SDK1: variants seen among roughly 807,000 people sequenced by gnomAD.
SDK1 encodes sidekick cell adhesion molecule 1, also known as protein sidekick-1.
SDK1 carries 157 observed loss-of-function variants against 245.5 expected under a neutral mutation model. The observed-to-expected ratio is 0.64, with a 90% confidence interval of 0.56 to 0.73. SDK1 has a LOEUF of 0.73. SDK1 is among the 30% of genes least tolerant of loss of function. SDK1 has a pLI of 0.00. For synonymous variants in SDK1, 1,647 were observed against 1,278.5 expected (o/e 1.29, Z -6.15); for missense variants, 3,583 against 3,002.3 (o/e 1.19, Z -4.52).
chr7:3,684,992 G>A (rs991571073), intron 4 of SDK1, among the ~76,000 whole-genome samples: 1 of 152,138 alleles, frequency 6.6e-6, no homozygotes, highest in Non-Finnish European at 1.5e-5. Flanking sequence ...AAAGGGACCT[G>A]TGGGACAAGA....
At chr7:3,381,097 G>A (rs1781476168) in intron 1 of SDK1, among the ~76,000 whole-genome samples, 1 of 152,168 alleles carries the variant, frequency 6.6e-6, no homozygotes, top group Non-Finnish European at 1.5e-5. Context: ...TCAAGAGTGT[G>A]ATTAACATTA....
At chr7:3,879,835 A>G (rs1380722128) in intron 5 of SDK1, among the ~76,000 whole-genome samples, 6 of 152,192 alleles carry the variant, frequency 3.9e-5, no homozygotes, top group Non-Finnish European at 8.8e-5. Flanking sequence ...TACAGCATGC[A>G]TAATTAACCT....
chr7:3,799,006 T>G (rs1280740680), intron 4 of SDK1, among the ~76,000 whole-genome samples: 1 of 152,206 alleles, frequency 6.6e-6, no homozygotes, highest in South Asian at 2.1e-4. Context: ...TTTATTAATT[T>G]GAATTCTCCT....
chr7:3,900,115 C>G (rs1242872511), intron 5 of SDK1, among the ~76,000 whole-genome samples: 1 of 152,240 alleles, frequency 6.6e-6, no homozygotes, highest in African/African-American at 2.4e-5. Context: ...TCCCAGTTTC[C>G]TCTTTGCTGA....
At chr7:3,415,642 T>A (rs1043046805) in intron 1 of SDK1, among the ~76,000 whole-genome samples, 2 of 151,668 alleles carry the variant, frequency 1.3e-5, no homozygotes, top group Non-Finnish European at 2.9e-5. Flanking sequence ...ATGATAGTAG[T>A]TGCTTTGTAT....
intron 7 of SDK1, among the ~76,000 whole-genome samples, chr7:3,954,063 C>G (rs890273794): frequency 6.6e-6 from 1 of 152,024 alleles, no homozygotes; most frequent in Non-Finnish European, 1.5e-5. Flanking sequence ...AAATGGGCTC[C>G]TATTACTTGT....
At chr7:3,949,980 A>G (rs991219211) in intron 5 of SDK1, among the ~76,000 whole-genome samples, 2 of 152,236 alleles carry the variant, frequency 1.3e-5, no homozygotes, top group African/African-American at 4.8e-5. Flanking sequence ...AGTGGCTGAT[A>G]CATGAAATAT....
Position 3,620,072 on chromosome 7 carries a change from T to C in SDK1, c.458+833T>C, listed in dbSNP as rs186340228. Among the ~76,000 whole-genome samples the C allele has an allele frequency of 4.1e-3, 621 of 152,262 alleles. 7 individuals carry two copies. The highest frequency in any genetic ancestry group is 0.014 in the African/African-American group (601 of 41,566). On this transcript the variant is annotated intron_variant, in intron 2 of 44. Coordinates refer to ENST00000404826, the MANE Select transcript of SDK1 (RefSeq NM_152744.4). ...TCAGCAAAATCATCGCTGCCATGCTTTTCTTTAGATGAAATAAGAAAGAGT... is the reference window on the plus strand; with the variant it reads ...TCAGCAAAATCATCGCTGCCATGCTCTTCTTTAGATGAAATAAGAAAGAGT...
At chr7:3,907,343 T>G (rs1778986426) in intron 5 of SDK1, among the ~76,000 whole-genome samples, 2 of 152,348 alleles carry the variant, frequency 1.3e-5, no homozygotes, top group African/African-American at 4.8e-5. Flanking sequence ...CTCTGTGAAT[T>G]TGCATATTCG....
At chr7:4,066,422 T>A (rs1779903194) in intron 19 of SDK1, among the ~76,000 whole-genome samples, 1 of 152,208 alleles carries the variant, frequency 6.6e-6, no homozygotes, top group South Asian at 2.1e-4. Flanking sequence ...GCACTGTCTC[T>A]CTTCCCCTCA....
At chr7:3,494,740 G>T (rs532605795) in intron 1 of SDK1, among the ~76,000 whole-genome samples, 2 of 152,300 alleles carry the variant, frequency 1.3e-5, no homozygotes, top group East Asian at 3.9e-4. Flanking sequence ...TTGTGTTTGA[G>T]AGCAAATGTT....
chr7:3,505,263 C>CT (rs1562527568), intron 1 of SDK1, among the ~76,000 whole-genome samples: 1 of 151,994 alleles, frequency 6.6e-6, no homozygotes, highest in Non-Finnish European at 1.5e-5. Context: ...GTTCAACTGA[C>CT]TGAGACTGGG....
intron 2 of SDK1, among the ~76,000 whole-genome samples, chr7:3,637,355 C>G (rs944932409): frequency 1.3e-5 from 2 of 152,178 alleles, no homozygotes; most frequent in Non-Finnish European, 2.9e-5. Context: ...CCTCGGCCTC[C>G]CAAATTGCTG....
At chr7:3,461,294 G>A (rs911545732) in intron 1 of SDK1, among the ~76,000 whole-genome samples, 2 of 152,148 alleles carry the variant, frequency 1.3e-5, no homozygotes, top group Non-Finnish European at 2.9e-5. Context: ...ACAATTCTGT[G>A]AGCGACATGG....
chr7:3,688,253 A>G (rs1264255636), intron 4 of SDK1, among the ~76,000 whole-genome samples: 2 of 152,210 alleles, frequency 1.3e-5, no homozygotes, highest in East Asian at 1.9e-4. Context: ...CTGGAGAGCA[A>G]TGAAGTGTAG....
intron 4 of SDK1, among the ~76,000 whole-genome samples, chr7:3,687,266 C>T (rs1484270875): frequency 6.6e-6 from 1 of 151,220 alleles, no homozygotes; most frequent in Non-Finnish European, 1.5e-5. Flanking sequence ...GGAGCTGGGA[C>T]TACAGGCACA....
chr7:4,225,600 G>T (rs529063607), intron 40 of SDK1, among the ~76,000 whole-genome samples: 2 of 152,220 alleles, frequency 1.3e-5, no homozygotes, highest in Non-Finnish European at 2.9e-5. Context: ...GGAACAGGAC[G>T]CCTGTTGGTT....
intron 4 of SDK1, chr7:3,643,516 C>G (rs1450897408): frequency 1.3e-5 from 2 of 149,380 alleles, no homozygotes; most frequent in Admixed American, 6.7e-5. Flanking sequence ...GAATTCCTTC[C>G]GTAAACCTCG....
At chr7:3,951,116 C>A in intron 6 of SDK1, 82 bp downstream of exon 6, 9 of 1,046,598 alleles carry the variant, frequency 8.6e-6, no homozygotes, top group Non-Finnish European at 1.3e-5. Flanking sequence ...TACACTGGAG[C>A]ATGAGGTTCA....
Sources: allele counts gnomAD v4.1 joint callset (sites outside exome capture counted in the v4.1 genomes callset), GRCh38; gene constraint gnomAD v4.1.1; transcripts MANE v1.5; gene names NCBI Gene and HGNC (gene_info 2026-07-23, HGNC 2026-07-21).